The following TMTC1 variants were observed in gnomAD, a reference collection of about 807,000 sequenced individuals.
The protein encoded by TMTC1 is protein O-mannosyl-transferase TMTC1.
TMTC1 carries 73 observed loss-of-function variants against 104.8 expected under a neutral mutation model. The ratio of observed to expected loss-of-function variants is 0.70; its 90% CI spans 0.58 to 0.85. The LOEUF is 0.85. TMTC1 is among the 40% of genes least tolerant of loss of function. The pLI is 0.00. For synonymous variants in TMTC1, 434 were observed against 428.7 expected (o/e 1.01, Z -0.15); for missense variants, 1,035 against 1,096.1 (o/e 0.94, Z 0.79).
chr12:29,623,664 T>C (rs925595597), intron 6 of TMTC1, among the ~76,000 whole-genome samples: 1 of 151,928 alleles, frequency 6.6e-6, no homozygotes, highest in Non-Finnish European at 1.5e-5. Flanking sequence ...AATACAAAAA[T>C]TAGCCAGGCG....
At chr12:29,712,311 C>G (rs912747636) in intron 5 of TMTC1, among the ~76,000 whole-genome samples, 1 of 152,194 alleles carries the variant, frequency 6.6e-6, no homozygotes, top group African/African-American at 2.4e-5. Flanking sequence ...AAGAAAACAT[C>G]TAACCACAAC....
At chr12:29,566,384 C>T (rs1334361228) in intron 9 of TMTC1, among the ~76,000 whole-genome samples, 1 of 152,114 alleles carries the variant, frequency 6.6e-6, no homozygotes, top group Non-Finnish European at 1.5e-5. Flanking sequence ...GAGGCTGCTG[C>T]AGGGCCGCCC....
intron 10 of TMTC1, among the ~76,000 whole-genome samples, chr12:29,554,017 T>C (rs1945173630): frequency 6.6e-6 from 1 of 152,202 alleles, no homozygotes; most frequent in Admixed American, 6.5e-5. Flanking sequence ...TATATGATTT[T>C]TGAATGTAGC....
At chr12:29,695,018 T>C (rs1256021528) in intron 5 of TMTC1, among the ~76,000 whole-genome samples, 1 of 152,190 alleles carries the variant, frequency 6.6e-6, no homozygotes, top group African/African-American at 2.4e-5. Context: ...AAGTTCAATT[T>C]GTTGGCAGGG....
intron 5 of TMTC1, among the ~76,000 whole-genome samples, chr12:29,646,333 G>T (rs1008431972): frequency 1.3e-5 from 2 of 152,142 alleles, no homozygotes; most frequent in Non-Finnish European, 2.9e-5. Context: ...TTAAATAAAA[G>T]CTCAGGCTTG....
intron 5 of TMTC1, among the ~76,000 whole-genome samples, chr12:29,722,052 G>C (rs1407736273): frequency 6.6e-6 from 1 of 152,094 alleles, no homozygotes; most frequent in Non-Finnish European, 1.5e-5. Flanking sequence ...ATCACGTCAT[G>C]TAGCTTCTAG....
chr12:29,543,825 T>C (rs1005665497), intron 10 of TMTC1, among the ~76,000 whole-genome samples: 3 of 152,202 alleles, frequency 2.0e-5, no homozygotes, highest in African/African-American at 7.2e-5. Flanking sequence ...ACCTGGGAAA[T>C]GTAATGGAAA....
chr12:29,518,040 C>A (rs925187032), intron 13 of TMTC1, among the ~76,000 whole-genome samples: 6 of 152,120 alleles, frequency 3.9e-5, no homozygotes, highest in African/African-American at 1.4e-4. Context: ...ACAAAATGAT[C>A]ATGATGCCAT....
intron 7 of TMTC1, among the ~76,000 whole-genome samples, chr12:29,595,560 T>C (rs1946383603): frequency 6.6e-6 from 1 of 152,244 alleles, no homozygotes; most frequent in South Asian, 2.1e-4. Flanking sequence ...CCTCCCTTCC[T>C]GGGCACTGCC....
intron 5 of TMTC1, among the ~76,000 whole-genome samples, chr12:29,730,294 A>G (rs1942513243): frequency 6.6e-6 from 1 of 152,220 alleles, no homozygotes; most frequent in Non-Finnish European, 1.5e-5. Flanking sequence ...ACTACACCAC[A>G]GGTGAATATT....
At chr12:29,563,055 A>T (rs922029594) in intron 9 of TMTC1, among the ~76,000 whole-genome samples, 2 of 152,132 alleles carry the variant, frequency 1.3e-5, no homozygotes, top group Non-Finnish European at 2.9e-5. Flanking sequence ...TTCTGTGTCC[A>T]TCTGTTTCTC....
At chr12:29,516,749 G>C (rs1432901406) in intron 14 of TMTC1, among the ~76,000 whole-genome samples, 1 of 152,070 alleles carries the variant, frequency 6.6e-6, no homozygotes, top group Non-Finnish European at 1.5e-5. Context: ...TTTTAAAAAA[G>C]GTTGACCAAA....
chr12:29,644,296 T>A (rs1222878477), intron 5 of TMTC1, among the ~76,000 whole-genome samples: 1 of 151,224 alleles, frequency 6.6e-6, no homozygotes, highest in Non-Finnish European at 1.5e-5. Flanking sequence ...CTCACCGATA[T>A]GCGGGAGCTA....
chr12:29,730,623 C>A (rs968105847), intron 5 of TMTC1, among the ~76,000 whole-genome samples: 1 of 152,154 alleles, frequency 6.6e-6, no homozygotes, highest in Non-Finnish European at 1.5e-5. Context: ...TCATCTGCAG[C>A]GAGGATGGTG....
Position 29,645,923 on chromosome 12 carries a change from C to T in TMTC1, c.939-12587G>A, listed in dbSNP as rs559273229. Among the ~76,000 whole-genome samples, 14 of 152,314 alleles carry T rather than the reference C, an allele frequency of 9.2e-5. No homozygotes were observed. In the East Asian group the frequency reaches 2.7e-3, roughly 29 times the overall value. On this transcript the variant is annotated intron_variant, in intron 5 of 17. Transcript: ENST00000539277. Reference sequence around the variant, plus strand: ...GACAGCAAATCCTCTATGAAGTGGGCATTACGCTCATTCTTGCATCAAAGA... The same window carrying T: ...GACAGCAAATCCTCTATGAAGTGGGTATTACGCTCATTCTTGCATCAAAGA...
intron 7 of TMTC1, among the ~76,000 whole-genome samples, chr12:29,603,632 CA>C (rs1332985738): frequency 6.6e-6 from 1 of 152,130 alleles, no homozygotes; most frequent in African/African-American, 2.4e-5. Context: ...AGACAAGCTT[CA>C]GCACAGTTCA....
intron 5 of TMTC1, among the ~76,000 whole-genome samples, chr12:29,714,486 CT>C (rs1942024022): frequency 6.6e-6 from 1 of 152,192 alleles, no homozygotes. Flanking sequence ...ACAATGACCC[CT>C]GGTCATTTGT....
chr12:29,713,298 C>CAG, intron 5 of TMTC1, among the ~76,000 whole-genome samples: 1 of 113,964 alleles, frequency 8.8e-6, no homozygotes, highest in East Asian at 2.8e-4. Context: ...TACATAAACA[C>CAG]ATACACACAC....
intron 5 of TMTC1, among the ~76,000 whole-genome samples, chr12:29,664,113 G>T (rs984746329): frequency 6.7e-6 from 1 of 150,370 alleles, no homozygotes. Flanking sequence ...CGTGAACCCG[G>T]GAGGCGGAGC....
Sources: allele counts gnomAD v4.1 joint callset (sites outside exome capture counted in the v4.1 genomes callset), GRCh38; gene constraint gnomAD v4.1.1; transcripts MANE v1.5; gene names NCBI Gene and HGNC (gene_info 2026-07-23, HGNC 2026-07-21).